Variants in WDR81 observed in about 807,000 individuals in gnomAD.
WDR81 encodes the protein WD repeat-containing protein 81.
Under a neutral mutation model 140.8 loss-of-function variants are expected in WDR81, and 92 were observed. The ratio of observed to expected loss-of-function variants is 0.65; its 90% CI spans 0.55 to 0.78. WDR81 has a LOEUF of 0.78. Among genes scored for constraint, WDR81 ranks in the 30% least tolerant of loss-of-function variants. WDR81 has a pLI of 0.00. For missense variants in WDR81, 2,502 were observed against 2,636.4 expected, an observed-to-expected ratio of 0.95 and a Z score of 1.12; for synonymous variants, 1,183 against 1,156.4, an observed-to-expected ratio of 1.02 and a Z score of -0.47.
In WDR81 at chr17:1,726,800, A is replaced by T; in HGVS notation, c.1841A>T (p.Gln614Leu). ...CCCAAGCTGTTGGTCCAGACCATCCAGGAGACCACAGGCCGGGAGGACTTC... is the reference window on the plus strand; with the variant it reads ...CCCAAGCTGTTGGTCCAGACCATCCTGGAGACCACAGGCCGGGAGGACTTC... ...LIPKLLVQTI[Q>L]ETTGREDFTE... The change falls in exon 1 of 10, where the codon CAG becomes CTG. Residue 614 changes from glutamine (Q) to leucine (L), a missense_variant. Gln to Leu is a moderately radical substitution (Grantham distance 113). Around this residue, in one of 3 missense-constraint regions of WDR81, gnomAD observed 1,737 missense variants for 1,843.0 expected, o/e 0.94. Transcript: ENST00000409644. 6.5e-7 allele frequency: 1 copy of T among 1,549,358 alleles called. No individual in the cohort carries two copies. The highest frequency in any genetic ancestry group is 8.7e-7 in the Non-Finnish European group (1 of 1,146,868).
intron 1 of WDR81, among the ~76,000 whole-genome samples, chr17:1,719,039 T>G (rs1042283421): frequency 6.6e-6 from 1 of 152,148 alleles, no homozygotes; most frequent in African/African-American, 2.4e-5. Context: ...CTCCCAGTTT[T>G]GACAACCAAA....
Position 1,738,241 on chromosome 17 carries a change from G to GA in WDR81, c.*557dup, listed in dbSNP as rs1905051186. ...CAGGCCCTGGCCAGTGTGGGACCGGGACGGGAAGGAAGAAGGAGGCTAGGA... is the reference window on the plus strand; with the variant it reads ...CAGGCCCTGGCCAGTGTGGGACCGGGAACGGGAAGGAAGAAGGAGGCTAGGA... On this transcript the variant is annotated 3_prime_UTR_variant, in exon 10 of 10. Transcript: ENST00000409644. 1 of 160,194 alleles carries GA rather than the reference G, an allele frequency of 6.2e-6. No individual in the cohort carries two copies. The highest frequency in any genetic ancestry group is 1.4e-5 in the Non-Finnish European group (1 of 72,528). 9.9% of individuals were successfully genotyped at this position (160,194 alleles called of 1,614,324 possible). A position where few individuals can be genotyped will look rare whatever the true frequency, so the allele number is the denominator to read the frequency against.
Position 1,728,462 on chromosome 17 carries a change from AGGAGGG to A in WDR81, c.3508_3513del (p.Gly1170_Glu1171del). 1 of 1,610,312 alleles carries A rather than the reference AGGAGGG, an allele frequency of 6.2e-7. No individual in the cohort carries two copies. Among genetic ancestry groups the A allele is most frequent in the African/African-American group, 1.3e-5 (1 of 74,978 alleles). On this transcript the variant is annotated inframe_deletion, in exon 1 of 10. Transcript: ENST00000409644. Reference sequence around the variant, plus strand: ...GACAGCTGCGTGGTGCTAGAGGAGGAGGAGGGGGAGCAGGAGGAGGTCACCGGGGCA... The same window carrying A: ...GACAGCTGCGTGGTGCTAGAGGAGGAGGAGCAGGAGGAGGTCACCGGGGCA...
Position 1,725,606 on chromosome 17 carries a change from C to T in WDR81, c.647C>T (p.Pro216Leu), listed in dbSNP as rs1382189235. Residue 216 changes from proline to leucine, a missense_variant, in exon 1 of 10, where the codon CCT becomes CTT. This residue lies in a region of WDR81 where 547 missense variants were observed against 513.8 expected (regional missense o/e 1.06). Transcript: ENST00000409644. ...PCPPRGSPACPSLLRAEALLE... is the reference protein window; with the variant it reads ...PCPPRGSPACLSLLRAEALLE... ...CCCCCTCGGGGCAGCCCTGCTTGCC[C>T]TAGTCTTTTACGGGCTGAGGCCTTG... 6 of 1,545,440 alleles carry T rather than the reference C, an allele frequency of 3.9e-6. No homozygotes were observed. The highest frequency in any genetic ancestry group is 2.0e-5 in the Admixed American group (1 of 51,004).
intron 1 of WDR81, chr17:1,716,815 GGC>G: frequency 1.4e-6 from 1 of 702,072 alleles, no homozygotes; most frequent in East Asian, 2.7e-5. Context: ...AGCAGGAGTG[GGC>G]AGAGCGTCAG....
chr17:1,734,067 T>C lies in WDR81; in HGVS notation c.5030T>C (p.Leu1677Pro). 2 of 1,607,002 alleles carry C rather than the reference T, an allele frequency of 1.2e-6. No individual in the cohort carries two copies. Among genetic ancestry groups the C allele is most frequent in the Non-Finnish European group, 1.7e-6 (2 of 1,179,928 alleles). ...GATCGTACCGTGCGCCTCTGGCCGC[T>C]GTACAACTACGGCGACGGGACCAGC... ...SKDRTVRLWP[L>P]YNYGDGTSET... The change falls in exon 7 of 10, where the codon CTG becomes CCG. Residue 1677 changes from leucine (L) to proline (P), a missense_variant. By Grantham distance (98) the Leu-to-Pro change is moderately conservative (BLOSUM62 -3). This residue lies in a region of WDR81 where 1,737 missense variants were observed against 1,843.0 expected (regional missense o/e 0.94). Coordinates refer to ENST00000409644, the MANE Select transcript of WDR81 (RefSeq NM_001163809.2).
At position 1,733,813 on chromosome 17, in the gene WDR81, C is replaced by T. The variant is rs979940615; in HGVS notation, c.4776C>T (p.Gly1592=). The part of the protein sequence containing the change: ...LGPISGVGGG[G]LGSGSDDNAL... ...CCATCTCGGGGGTGGGTGGCGGGGG[C>T]CTGGGCAGCGGGAGCGACGACAACG... is the stretch of plus-strand genomic sequence containing the variant. The change falls in exon 7 of 10, where the codon GGC becomes GGT. Residue 1592 remains glycine, a synonymous_variant. Coordinates refer to ENST00000409644, the MANE Select transcript of WDR81 (RefSeq NM_001163809.2). 1.2e-6 allele frequency: 2 copies of T among 1,612,102 alleles called. No individual in the cohort carries two copies. The highest frequency in any genetic ancestry group is 3.3e-5 in the Admixed American group (2 of 59,970).
At position 1,728,079 on chromosome 17, in the gene WDR81, G is replaced by A. The variant is rs1364125174; in HGVS notation, c.3120G>A (p.Gly1040=). 1.3e-6 allele frequency: 2 copies of A among 1,592,074 alleles called. No homozygotes were observed. Among genetic ancestry groups the A allele is most frequent in the South Asian group, 2.3e-5 (2 of 88,696 alleles). The change falls in exon 1 of 10, where the codon GGG becomes GGA. Residue 1040 remains glycine (G), a synonymous_variant. Coordinates refer to ENST00000409644, the MANE Select transcript of WDR81 (RefSeq NM_001163809.2). ...AGGAGAGCGGGCTGCCCGGGGCCGG[G>A]CCTGGCTCCTGTGCTTTTGGGGAGG... ...EEEESGLPGA[G]PGSCAFGEEI...
chr17:1,727,332 G>A lies in WDR81; in HGVS notation c.2373G>A (p.Gln791=), dbSNP rs1915352782. ...MVFATRVRTL[Q]PDAPLWVRFQ... ...TTGCCACCAGGGTGCGGACGCTGCA[G>A]CCCGATGCACCTTTGTGGGTACGCT... The change falls in exon 1 of 10, where the codon CAG becomes CAA. Residue 791 remains glutamine (Q), a synonymous_variant. Transcript: ENST00000409644. 9 of 1,549,764 alleles carry A rather than the reference G, an allele frequency of 5.8e-6. No homozygotes were observed. The highest frequency in any genetic ancestry group is 7.8e-6 in the Non-Finnish European group (9 of 1,146,982).
intron 2 of WDR81, 103 bp downstream of exon 2, chr17:1,730,590 C>T: frequency 7.1e-7 from 1 of 1,399,376 alleles, no homozygotes; most frequent in South Asian, 1.3e-5. Context: ...CTCCCTCAAA[C>T]CACCCCCCGG....
Position 1,733,795 on chromosome 17 carries a change from G to C in WDR81, c.4758G>C (p.Ser1586=), listed in dbSNP as rs774672335. 2 of 1,612,006 alleles carry C rather than the reference G, an allele frequency of 1.2e-6. No homozygotes were observed. Among genetic ancestry groups the C allele is most frequent in the Non-Finnish European group, 8.5e-7 (1 of 1,179,502 alleles). Reference sequence around the variant, plus strand: ...ACCCCGGACCACTGGGCCCCATCTCGGGGGTGGGTGGCGGGGGCCTGGGCA... The same window carrying C: ...ACCCCGGACCACTGGGCCCCATCTCCGGGGTGGGTGGCGGGGGCCTGGGCA... ...PENPGPLGPI[S]GVGGGGLGSG... is the part of the protein sequence containing the mutation. Residue 1586 remains serine, a synonymous_variant, in exon 7 of 10, where the codon TCG becomes TCC. Coordinates refer to ENST00000409644, the MANE Select transcript of WDR81 (RefSeq NM_001163809.2).
intron 1 of WDR81, chr17:1,716,678 A>T (rs1256445694): frequency 6.5e-7 from 1 of 1,547,694 alleles, no homozygotes; most frequent in Middle Eastern, 1.7e-4. Context: ...AGCCCGGGGA[A>T]GTCCTTAAAG....
In WDR81 at chr17:1,733,079, AG is replaced by A. The variant is rs1943630283; in HGVS notation, c.4489+250del. 14 of 521,330 alleles carry A rather than the reference AG, an allele frequency of 2.7e-5. No homozygotes were observed. The South Asian group carries it at 4.4e-4, about 16-fold the overall frequency. The allele number at this position is 521,330 out of a possible 1,614,324, so 32.3% of individuals were successfully genotyped here. A position where few individuals can be genotyped will look rare whatever the true frequency, so the allele number is the denominator to read the frequency against. ...CCTGGGGAAGGCAGGAGAGTCAGGG[AG>A]GTGGACTGGCGGTCCGCAGGAGCTG... On this transcript the variant is annotated intron_variant, in intron 6 of 9. Transcript: ENST00000409644.
At chr17:1,732,173 G>A in intron 4 of WDR81, 152 bp from the exon 5 acceptor site, 2 of 1,046,272 alleles carry the variant, frequency 1.9e-6, no homozygotes, top group Non-Finnish European at 2.7e-6. Flanking sequence ...GGAGGCAGAG[G>A]TTGCAGTGAG....
At position 1,726,210 on chromosome 17, in the gene WDR81, T is replaced by C; in HGVS notation, c.1251T>C (p.Tyr417=). 1 of 1,528,866 alleles carries C rather than the reference T, an allele frequency of 6.5e-7. No individual in the cohort carries two copies. The highest frequency in any genetic ancestry group is 1.7e-4 in the Middle Eastern group (1 of 5,898). The allele number at this position is 1,528,866 out of a possible 1,614,324, so 94.7% of individuals were successfully genotyped here. ...GGGATAAGCAACTGGACTTCACGTA[T>C]GAGATGACACGGCAGGCATTCGTAG... ...NKGDKQLDFT[Y]EMTRQAFVAG... Residue 417 remains tyrosine, a synonymous_variant, in exon 1 of 10, where the codon TAT becomes TAC. Transcript: ENST00000409644.
Position 1,737,981 on chromosome 17 carries a change from C to G in WDR81, c.*296C>G. On this transcript the variant is annotated 3_prime_UTR_variant, in exon 10 of 10. Transcript: ENST00000409644. ...TTGCTACCTTCACTTCTCCCCAGCT[C>G]TGCCCTCTGGGTCCACATGAGGACA... The G allele has an allele frequency of 1.9e-6, 1 of 518,850 alleles. No homozygotes were observed. Among genetic ancestry groups the G allele is most frequent in the East Asian group, 3.3e-5 (1 of 29,874 alleles). The allele number at this position is 518,850 out of a possible 1,614,324, so 32.1% of individuals were successfully genotyped here.
rs979579298 is a variant in WDR81 at position 1,725,510 on chromosome 17, T to C, written c.551T>C (p.Val184Ala). The C allele has an allele frequency of 6.5e-7, 1 of 1,545,954 alleles. No individual in the cohort carries two copies. Among genetic ancestry groups the C allele is most frequent in the Admixed American group, 2.0e-5 (1 of 50,998 alleles). The change falls in exon 1 of 10, where the codon GTC (valine) becomes GCC (alanine). Residue 184 changes from valine (V) to alanine (A), a missense_variant. By Grantham distance (64) the Val-to-Ala change is moderately conservative (BLOSUM62 0). Around this residue, in one of 3 missense-constraint regions of WDR81, gnomAD observed 547 missense variants for 513.8 expected, o/e 1.06. Coordinates refer to ENST00000409644, the MANE Select transcript of WDR81 (RefSeq NM_001163809.2). ...LDSVRQALQR[V>A]YGCSFLPVGE... ...TCAGTACGGCAGGCTCTGCAGAGGG[T>C]CTATGGTTGCTCCTTCCTGCCAGTG...
upstream of WDR81, among the ~76,000 whole-genome samples, chr17:1,721,501 A>G (rs1369087979): frequency 6.6e-6 from 1 of 151,838 alleles, no homozygotes; most frequent in Non-Finnish European, 1.5e-5. Flanking sequence ...CCTGGGTGAC[A>G]GAGTGAGACC....
chr17:1,722,029 A>C (rs534703005), upstream of WDR81, among the ~76,000 whole-genome samples: 1 of 152,166 alleles, frequency 6.6e-6, no homozygotes, highest in African/African-American at 2.4e-5. Context: ...AGGCTGAGGC[A>C]GGAGAATCGC....
Sources: gnomAD v4.1 joint callset for allele counts (sites outside exome capture counted in the v4.1 genomes callset) on GRCh38, gnomAD v4.1.1 for gene constraint, gnomAD v4.1.1 regional missense constraint, MANE v1.5 for transcripts, NCBI Gene and HGNC (gene_info 2026-07-23, HGNC 2026-07-21) for gene names.